ASAP1: variants seen among roughly 807,000 people sequenced by gnomAD.
ASAP1 encodes ArfGAP with SH3 domain, ankyrin repeat and PH domain 1, also known as arf-GAP with SH3 domain, ANK repeat and PH domain-containing protein 1.
Under a neutral mutation model 145.2 loss-of-function variants are expected in ASAP1, and 43 were observed. The ratio of observed to expected loss-of-function variants is 0.30; its 90% CI spans 0.23 to 0.38. ASAP1 has a LOEUF of 0.38. Ranked by LOEUF, ASAP1 falls within the 10% of genes least tolerant of loss-of-function variation. ASAP1 has a pLI of 1.00. For synonymous variants in ASAP1, 546 were observed against 515.5 expected, an observed-to-expected ratio of 1.06 and a Z score of -0.80; for missense variants, 1,018 against 1,355.3, an observed-to-expected ratio of 0.75 and a Z score of 3.91.
At position 130,293,587 on chromosome 8, in the gene ASAP1, T is replaced by G. The variant is rs907983922; in HGVS notation, c.187-56593A>C. ...AGGGCCAAAAGTAGTAAGTAAGGAT[T>G]CCCCCACCCCCACCACAATCAGCCC... On this transcript the variant is annotated intron_variant, in intron 3 of 29. Transcript: ENST00000518721. 2.6e-5 allele frequency among the ~76,000 whole-genome samples: 4 copies of G among 151,968 alleles called. No individual in the cohort carries two copies. The South Asian group carries it at 8.3e-4, about 32-fold the overall frequency.
intron 25 of ASAP1, chr8:130,083,470 C>G (rs535953329): frequency 6.6e-6 from 1 of 152,176 alleles, no homozygotes; most frequent in Non-Finnish European, 1.5e-5. Context: ...GATTTTGGAC[C>G]TAGACAAGTG....
At chr8:130,176,404 T>C (rs1813955395) in intron 9 of ASAP1, among the ~76,000 whole-genome samples, 1 of 152,246 alleles carries the variant, frequency 6.6e-6, no homozygotes, top group Non-Finnish European at 1.5e-5. Context: ...CTTCTTGCTA[T>C]GATAGAGTTC....
intron 2 of ASAP1, among the ~76,000 whole-genome samples, chr8:130,374,010 C>A (rs537303749): frequency 6.9e-6 from 1 of 144,780 alleles, no homozygotes; most frequent in South Asian, 2.2e-4. Flanking sequence ...TGCTCAAAGG[C>A]CTTGGAGAAA....
At chr8:130,068,693 C>T (rs1310322370) in intron 27 of ASAP1, among the ~76,000 whole-genome samples, 2 of 152,174 alleles carry the variant, frequency 1.3e-5, no homozygotes, top group South Asian at 2.1e-4. Flanking sequence ...AGATAAAAGC[C>T]ACTGTAAGGT....
intron 2 of ASAP1, among the ~76,000 whole-genome samples, chr8:130,393,996 T>C (rs542661347): frequency 3.2e-4 from 48 of 152,316 alleles, no homozygotes; most frequent in African/African-American, 1.1e-3. Context: ...CTTAATCTCA[T>C]CATTTTCATA....
intron 9 of ASAP1, among the ~76,000 whole-genome samples, chr8:130,177,220 G>A (rs1048394158): frequency 6.6e-6 from 1 of 152,172 alleles, no homozygotes; most frequent in Non-Finnish European, 1.5e-5. Context: ...GGATGCATTA[G>A]CTATACAAGT....
At chr8:130,073,594 G>A (rs1170628527) in intron 27 of ASAP1, among the ~76,000 whole-genome samples, 1 of 152,152 alleles carries the variant, frequency 6.6e-6, no homozygotes, top group Non-Finnish European at 1.5e-5. Context: ...CAGCGAGAGT[G>A]GACAGGTAGT....
chr8:130,289,498 T>C (rs948721430), intron 3 of ASAP1, among the ~76,000 whole-genome samples: 2 of 152,132 alleles, frequency 1.3e-5, no homozygotes, highest in Non-Finnish European at 2.9e-5. Flanking sequence ...ATACCCCAAA[T>C]CCTTAGGGAG....
rs755220995 is a variant in ASAP1, at chr8:130,358,086, G to C, written c.117C>G (p.Asn39Lys). 4 of 1,610,874 alleles carry C rather than the reference G, an allele frequency of 2.5e-6. No homozygotes were observed. The highest frequency in any genetic ancestry group is 3.4e-6 in the Non-Finnish European group (4 of 1,179,020). Residue 39 changes from asparagine to lysine, a missense_variant, in exon 3 of 30, where the codon AAC becomes AAG. By Grantham distance (94) the Asn-to-Lys change is moderately conservative. Transcript: ENST00000518721. This position sits in a 1 kb window ranked among gnomAD's most constrained non-coding sequence, Gnocchi z 4.1. ...EFIAETTEDY[N>K]SPTTSSFTTR... is the part of the protein sequence containing the mutation. The stretch of plus-strand genomic sequence containing the variant: ...TGGTGAAGCTGGACGTGGTGGGCGA[G>C]TTGTAGTCCTCGGTGGTCTCGGCGA...
chr8:130,277,883 T>C (rs1821008074), intron 3 of ASAP1, among the ~76,000 whole-genome samples: 1 of 152,162 alleles, frequency 6.6e-6, no homozygotes. Flanking sequence ...AGACTGCCAG[T>C]GGAGTTCACA....
intron 3 of ASAP1, among the ~76,000 whole-genome samples, chr8:130,271,274 G>A (rs1198808539): frequency 6.6e-6 from 1 of 152,178 alleles, no homozygotes; most frequent in African/African-American, 2.4e-5. Context: ...TCATGTTAAA[G>A]GGGCAGTTTA....
chr8:130,099,625 T>G (rs999131311), intron 24 of ASAP1, among the ~76,000 whole-genome samples: 2 of 151,964 alleles, frequency 1.3e-5, no homozygotes, highest in African/African-American at 2.4e-5. Flanking sequence ...CTTATTTCAC[T>G]TAAAATAATG....
intron 3 of ASAP1, among the ~76,000 whole-genome samples, chr8:130,321,075 G>A (rs1823975213): frequency 6.6e-6 from 1 of 152,114 alleles, no homozygotes; most frequent in Admixed American, 6.5e-5. Context: ...GAAATTTTGT[G>A]ATTCCAAGAC....
At chr8:130,197,399 A>G (rs1462950252) in intron 5 of ASAP1, among the ~76,000 whole-genome samples, 1 of 152,210 alleles carries the variant, frequency 6.6e-6, no homozygotes, top group East Asian at 1.9e-4. Flanking sequence ...ATTGCGCTCC[A>G]GCCTGGGCAA....
chr8:130,408,361 A>C (rs1411237858), intron 1 of ASAP1, among the ~76,000 whole-genome samples: 1 of 152,226 alleles, frequency 6.6e-6, no homozygotes, highest in East Asian at 1.9e-4. Context: ...TTGAAGGCAT[A>C]ATATTAATAG....
At position 130,180,686 on chromosome 8, in the gene ASAP1, T is replaced by C. The variant is rs189033680; in HGVS notation, c.660+65A>G. On this transcript the variant is annotated intron_variant, in intron 8 of 29. Transcript: ENST00000518721. ...GTCTGCCTTTAAGCATAAAGACTGC[T>C]GACTAGCAGGAAAAGATCACAGTTG... is the stretch of plus-strand genomic sequence containing the variant. 76 of 1,548,878 alleles carry C rather than the reference T, an allele frequency of 4.9e-5. No individual in the cohort carries two copies. In the Middle Eastern group the frequency reaches 8.7e-4, roughly 18 times the overall value.
intron 21 of ASAP1, 35 bp downstream of exon 21, chr8:130,116,845 T>A (rs747910855): frequency 2.5e-6 from 4 of 1,583,766 alleles, no homozygotes; most frequent in Non-Finnish European, 3.5e-6. Context: ...AACACACGCT[T>A]ACTACAGTCA....
In ASAP1 at chr8:130,358,378, G is replaced by A. The variant is rs1295381393; in HGVS notation, c.60-235C>T. Among the ~76,000 whole-genome samples, 1 of 148,244 alleles carries A rather than the reference G, an allele frequency of 6.7e-6. No homozygotes were observed. Among genetic ancestry groups the A allele is most frequent in the Non-Finnish European group, 1.5e-5 (1 of 66,422 alleles). Reference sequence around the variant, plus strand: ...CGCGGGGCCCTTCAAACTCCAAGCCGCGCGCGAGGCAGGGGGCTCTCCGGG... The same window carrying A: ...CGCGGGGCCCTTCAAACTCCAAGCCACGCGCGAGGCAGGGGGCTCTCCGGG... On this transcript the variant is annotated intron_variant, in intron 2 of 29. Coordinates refer to ENST00000518721, the MANE Select transcript of ASAP1 (RefSeq NM_018482.4). This position sits in a 1 kb window ranked among gnomAD's most constrained non-coding sequence, Gnocchi z 4.1.
intron 4 of ASAP1, 51 bp from the exon 5 acceptor site, chr8:130,214,752 T>C (rs1816792582): frequency 6.8e-7 from 1 of 1,471,648 alleles, no homozygotes; most frequent in Middle Eastern, 1.8e-4. Context: ...TTTGCCACAA[T>C]GAAAAGTTAC....
Sources: gnomAD v4.1 joint callset for allele counts (sites outside exome capture counted in the v4.1 genomes callset) on GRCh38, gnomAD v4.1.1 for gene constraint, Gnocchi (gnomAD v3.1) non-coding constraint, MANE v1.5 for transcripts, NCBI Gene and HGNC (gene_info 2026-07-23, HGNC 2026-07-21) for gene names.